Variants in LRRTM4 observed in about 807,000 individuals in gnomAD.
The protein encoded by LRRTM4 is leucine rich repeat transmembrane neuronal 4, also known as leucine-rich repeat transmembrane neuronal protein 4.
LRRTM4 carries 25 observed loss-of-function variants against 47.6 expected under a neutral mutation model. That is an observed-to-expected ratio of 0.53 (90% CI 0.38 to 0.73). The LOEUF (loss-of-function observed/expected upper bound fraction) is 0.73. Ranked by LOEUF, LRRTM4 falls within the 30% of genes least tolerant of loss-of-function variation. The probability of loss-of-function intolerance (pLI) is 0.00; values close to 1 mark genes in which losing one functional copy is unlikely to be tolerated. For missense variants in LRRTM4, 638 were observed against 713.4 expected (o/e 0.89, Z 1.20); for synonymous variants, 311 against 269.5 (o/e 1.15, Z -1.51).
At chr2:77,351,202 A>G (rs1671756348) in intron 3 of LRRTM4, among the ~76,000 whole-genome samples, 1 of 152,090 alleles carries the variant, frequency 6.6e-6, no homozygotes. Flanking sequence ...TTTGTTTGCT[A>G]AGAATAATAA....
At chr2:76,939,339 A>T (rs1412327737) in intron 3 of LRRTM4, among the ~76,000 whole-genome samples, 1 of 152,156 alleles carries the variant, frequency 6.6e-6, no homozygotes, top group African/African-American at 2.4e-5. Flanking sequence ...TTGTTACTCC[A>T]CTACTCCTAA....
At chr2:77,181,922 T>C (rs746136984) in intron 3 of LRRTM4, among the ~76,000 whole-genome samples, 4 of 151,956 alleles carry the variant, frequency 2.6e-5, no homozygotes, top group Admixed American at 6.6e-5. Context: ...CAAGAAACAA[T>C]AGATGCTGGT....
At chr2:77,251,224 T>C (rs1376173817) in intron 3 of LRRTM4, among the ~76,000 whole-genome samples, 2 of 74,068 alleles carry the variant, frequency 2.7e-5, no homozygotes, top group African/African-American at 1.6e-4. Flanking sequence ...TATGTGTATA[T>C]ATACATATAG....
At chr2:77,075,766 T>G (rs1680312919) in intron 3 of LRRTM4, among the ~76,000 whole-genome samples, 1 of 149,152 alleles carries the variant, frequency 6.7e-6, no homozygotes, top group Middle Eastern at 3.2e-3. Flanking sequence ...ATACAAAAAA[T>G]TAGCCGGGCG....
intron 3 of LRRTM4, among the ~76,000 whole-genome samples, chr2:77,077,058 C>A (rs187914137): frequency 6.6e-6 from 1 of 152,184 alleles, no homozygotes; most frequent in East Asian, 1.9e-4. Context: ...TTGATTAGTA[C>A]CTAGATGGTG....
chr2:76,844,800 C>T (rs1301646821), intron 3 of LRRTM4, among the ~76,000 whole-genome samples: 1 of 151,996 alleles, frequency 6.6e-6, no homozygotes, highest in African/African-American at 2.4e-5. Flanking sequence ...TATAATATTA[C>T]CAAACTCATA....
chr2:77,239,560 G>C (rs1317188607), intron 3 of LRRTM4, among the ~76,000 whole-genome samples: 1 of 151,792 alleles, frequency 6.6e-6, no homozygotes, highest in Non-Finnish European at 1.5e-5. Flanking sequence ...TAAATATGAA[G>C]TTATAGATAG....
intron 3 of LRRTM4, among the ~76,000 whole-genome samples, chr2:77,154,089 G>A (rs539821628): frequency 3.3e-4 from 51 of 152,298 alleles, no homozygotes; most frequent in African/African-American, 1.2e-3. Context: ...AAGAGAATTT[G>A]TGGGACAGTG....
intron 3 of LRRTM4, among the ~76,000 whole-genome samples, chr2:77,314,336 T>C (rs540044653): frequency 9.9e-5 from 15 of 152,194 alleles, no homozygotes; most frequent in Non-Finnish European, 1.8e-4. Context: ...AAAATAAATA[T>C]AAGTGCATTC....
intron 3 of LRRTM4, among the ~76,000 whole-genome samples, chr2:76,829,919 C>T (rs1423023767): frequency 6.6e-6 from 1 of 151,994 alleles, no homozygotes; most frequent in Admixed American, 6.6e-5. Context: ...AAGAAACATG[C>T]ATGGACATTT....
At chr2:76,979,301 T>C (rs1338187026) in intron 3 of LRRTM4, among the ~76,000 whole-genome samples, 5 of 152,004 alleles carry the variant, frequency 3.3e-5, no homozygotes. Context: ...ACCTCACTTC[T>C]GCCTGCAGAT....
intron 3 of LRRTM4, among the ~76,000 whole-genome samples, chr2:76,900,655 C>A (rs7425906): frequency 0.15 from 22,087 of 152,008 alleles, 2,028 homozygotes; most frequent in Admixed American, 0.22. Context: ...GAAAGTATGT[C>A]CATTTAAGTA....
chr2:77,267,315 T>C (rs1449496560), intron 3 of LRRTM4, among the ~76,000 whole-genome samples: 1 of 152,188 alleles, frequency 6.6e-6, no homozygotes, highest in Non-Finnish European at 1.5e-5. Context: ...GCTTTCTTTC[T>C]CATGGTTCCG....
chr2:77,108,650 C>A (rs1032039714), intron 3 of LRRTM4, among the ~76,000 whole-genome samples: 4 of 146,692 alleles, frequency 2.7e-5, no homozygotes, highest in East Asian at 4.0e-4. Flanking sequence ...GTGGCGGGAT[C>A]TGGGCTCACT....
chr2:77,379,935 T>G (rs956045165), intron 3 of LRRTM4, among the ~76,000 whole-genome samples: 16 of 152,272 alleles, frequency 1.1e-4, no homozygotes, highest in Admixed American at 8.5e-4. Context: ...TTTCATAATT[T>G]ACAGTTTCAT....
rs1028682086 is a variant in LRRTM4, at chr2:76,852,758, G to A, written c.1552-103842C>T. ...TGTGGAGTGAGATATACAAACACTCGAAACAAATACACTTAAATATTACAA... is the reference window on the plus strand; with the variant it reads ...TGTGGAGTGAGATATACAAACACTCAAAACAAATACACTTAAATATTACAA... On this transcript the variant is annotated intron_variant, in intron 3 of 3. Coordinates refer to ENST00000409884, the MANE Select transcript of LRRTM4 (RefSeq NM_001134745.3). Among the ~76,000 whole-genome samples, 4 of 152,018 alleles carry A rather than the reference G, an allele frequency of 2.6e-5. 1 individual carries two copies. Among genetic ancestry groups the A allele is most frequent in the African/African-American group, 9.6e-5 (4 of 41,512 alleles).
rs375421929 is a variant in LRRTM4 at position 77,471,366 on chromosome 2, C to T, written c.1551+46952G>A. 5.9e-5 allele frequency among the ~76,000 whole-genome samples: 9 copies of T among 152,124 alleles called. No individual in the cohort carries two copies. In the East Asian group the frequency reaches 1.3e-3, roughly 23 times the overall value. On this transcript the variant is annotated intron_variant, in intron 3 of 3. Transcript: ENST00000409884. ...CTCAAAATATCATCTCTCAGTCAAA[C>T]TATTATAATAAGCTCTGGAATAACA...
chr2:77,187,879 A>G (rs1367846392), intron 3 of LRRTM4, among the ~76,000 whole-genome samples: 1 of 152,136 alleles, frequency 6.6e-6, no homozygotes, highest in Non-Finnish European at 1.5e-5. Context: ...TGAAAAAATA[A>G]TAATGGATAC....
At chr2:76,750,084 G>A (rs1471302512) in intron 3 of LRRTM4, among the ~76,000 whole-genome samples, 1 of 152,204 alleles carries the variant, frequency 6.6e-6, no homozygotes, top group Non-Finnish European at 1.5e-5. Context: ...GACTTGGCAG[G>A]GAGAGGGAAT....
Sources: allele counts gnomAD v4.1 joint callset (sites outside exome capture counted in the v4.1 genomes callset), GRCh38; gene constraint gnomAD v4.1.1; transcripts MANE v1.5; gene names NCBI Gene and HGNC (gene_info 2026-07-23, HGNC 2026-07-21).